The following SLC24A4 variants were observed in gnomAD, a reference collection of about 807,000 sequenced individuals.
SLC24A4 encodes solute carrier family 24 member 4.
Under a neutral mutation model 79.0 loss-of-function variants are expected in SLC24A4, and 53 were observed. That is an observed-to-expected ratio of 0.67 (90% CI 0.54 to 0.84). The LOEUF (loss-of-function observed/expected upper bound fraction) is 0.84. Ranked by LOEUF, SLC24A4 falls within the 40% of genes least tolerant of loss-of-function variation. The probability of loss-of-function intolerance (pLI) is 0.00; values close to 1 mark genes in which losing one functional copy is unlikely to be tolerated. For synonymous variants in SLC24A4, 323 were observed against 323.8 expected (o/e 1.00, Z 0.03); for missense variants, 731 against 822.0 (o/e 0.89, Z 1.35).
chr14:92,324,834 A>G (rs1595115751), intron 1 of SLC24A4, among the ~76,000 whole-genome samples: 1 of 152,242 alleles, frequency 6.6e-6, no homozygotes, highest in African/African-American at 2.4e-5. Flanking sequence ...TAAAGCGGGT[A>G]GTACCTTCTT....
Position 92,448,976 on chromosome 14 carries a change from G to A in SLC24A4, c.738-98G>A, listed in dbSNP as rs899532735. ...CCCTGCCACCCACCACTCCTGGGCT[G>A]TGCTGACTGCGTGCAGGGATGGGGT... On this transcript the variant is annotated intron_variant, in intron 9 of 16. Transcript: ENST00000532405. 13 of 1,468,248 alleles carry A rather than the reference G, an allele frequency of 8.9e-6. No individual in the cohort carries two copies. In the African/African-American group the frequency reaches 1.5e-4, roughly 17 times the overall value. The allele number at this position is 1,468,248 out of a possible 1,614,324, so 91.0% of individuals were successfully genotyped here. A position where few individuals can be genotyped will look rare whatever the true frequency, so the allele number is the denominator to read the frequency against.
intron 2 of SLC24A4, among the ~76,000 whole-genome samples, chr14:92,422,071 C>T (rs1231257385): frequency 6.6e-6 from 1 of 152,214 alleles, no homozygotes; most frequent in African/African-American, 2.4e-5. Context: ...TTTCCACATC[C>T]AGTGTCTTTA....
At chr14:92,485,048 T>C in intron 13 of SLC24A4, 1 of 273,860 alleles carries the variant, frequency 3.7e-6, no homozygotes, top group Non-Finnish European at 5.6e-6. Context: ...ACAGTAAATA[T>C]TAGCCATTTT....
At chr14:92,387,216 A>G (rs1889214422) in intron 2 of SLC24A4, among the ~76,000 whole-genome samples, 1 of 149,188 alleles carries the variant, frequency 6.7e-6, no homozygotes, top group African/African-American at 2.5e-5. Flanking sequence ...TCGCTGTGTC[A>G]CCCAGGCTGG....
chr14:92,412,641 C>G (rs905189365), intron 2 of SLC24A4, among the ~76,000 whole-genome samples: 3 of 152,126 alleles, frequency 2.0e-5, no homozygotes, highest in Non-Finnish European at 4.4e-5. Flanking sequence ...ACAGGTTTCT[C>G]CCTCCACACC....
intron 2 of SLC24A4, among the ~76,000 whole-genome samples, chr14:92,393,821 G>C (rs1395067806): frequency 6.6e-6 from 1 of 151,962 alleles, no homozygotes; most frequent in Non-Finnish European, 1.5e-5. Context: ...GACCAGCCTG[G>C]CCAGCCTGGT....
intron 2 of SLC24A4, among the ~76,000 whole-genome samples, chr14:92,332,695 A>G (rs1381799311): frequency 6.6e-6 from 1 of 152,212 alleles, no homozygotes; most frequent in Non-Finnish European, 1.5e-5. Context: ...ATGAATCTAA[A>G]TACCCATCAG....
chr14:92,325,225 T>A (rs1011652215), intron 1 of SLC24A4, among the ~76,000 whole-genome samples: 6 of 152,208 alleles, frequency 3.9e-5, no homozygotes, highest in African/African-American at 1.4e-4. Flanking sequence ...AAAGTGAGAA[T>A]CATTTTTATT....
At chr14:92,422,538 T>C (rs758590390) in intron 2 of SLC24A4, among the ~76,000 whole-genome samples, 1 of 152,214 alleles carries the variant, frequency 6.6e-6, no homozygotes, top group Non-Finnish European at 1.5e-5. Flanking sequence ...ATGTTTGAAA[T>C]GGGGCTAATG....
At chr14:92,343,255 C>T (rs898977350) in intron 2 of SLC24A4, among the ~76,000 whole-genome samples, 25 of 152,234 alleles carry the variant, frequency 1.6e-4, no homozygotes, top group South Asian at 6.2e-4. Context: ...TCTGTTCATT[C>T]GCCTCCTTTT....
chr14:92,478,582 G>A (rs1894894803), intron 12 of SLC24A4, among the ~76,000 whole-genome samples: 2 of 150,744 alleles, frequency 1.3e-5, no homozygotes, highest in Non-Finnish European at 2.9e-5. Context: ...TCCAGTAGCA[G>A]TCTCTCCTGA....
At chr14:92,385,310 T>A (rs2141720303) in intron 2 of SLC24A4, among the ~76,000 whole-genome samples, 1 of 152,092 alleles carries the variant, frequency 6.6e-6, no homozygotes, top group Non-Finnish European at 1.5e-5. Context: ...ATCGATACCA[T>A]CCTGGCCAAC....
chr14:92,470,463 C>G (rs1030656674), intron 12 of SLC24A4, among the ~76,000 whole-genome samples: 4 of 152,202 alleles, frequency 2.6e-5, no homozygotes, highest in Admixed American at 2.6e-4. Flanking sequence ...TCAGCAACTG[C>G]ATCTGTTCTT....
intron 2 of SLC24A4, among the ~76,000 whole-genome samples, chr14:92,402,392 C>G (rs1890161366): frequency 6.6e-6 from 1 of 152,002 alleles, no homozygotes; most frequent in African/African-American, 2.4e-5. Context: ...GGAGATTGTC[C>G]CAGCTCTTTC....
At chr14:92,435,428 G>A (rs1400657264) in intron 3 of SLC24A4, among the ~76,000 whole-genome samples, 1 of 152,216 alleles carries the variant, frequency 6.6e-6, no homozygotes, top group Non-Finnish European at 1.5e-5. Flanking sequence ...ATGCATCAGA[G>A]ACTGCCTGGC....
In SLC24A4 at chr14:92,493,658, TG is replaced by T. The variant is rs771428250; in HGVS notation, c.*32del. On this transcript the variant is annotated 3_prime_UTR_variant, in exon 17 of 17. Coordinates refer to ENST00000532405, the MANE Select transcript of SLC24A4 (RefSeq NM_153646.4). ...GAGTCGCGGCCCCTGGGAGCTGATC[TG>T]GACACCCTGTGACACTGGCGTTCTC... 6.2e-6 allele frequency: 10 copies of T among 1,611,700 alleles called. No individual in the cohort carries two copies. Among genetic ancestry groups the T allele is most frequent in the African/African-American group, 1.3e-5 (1 of 74,926 alleles).
intron 2 of SLC24A4, among the ~76,000 whole-genome samples, chr14:92,337,825 C>T (rs1885901171): frequency 6.6e-6 from 1 of 152,124 alleles, no homozygotes. Context: ...ACAGGAGTGC[C>T]TGGCATGAGA....
intron 14 of SLC24A4, among the ~76,000 whole-genome samples, chr14:92,487,354 G>T (rs1895423928): frequency 6.6e-6 from 1 of 152,222 alleles, no homozygotes; most frequent in South Asian, 2.1e-4. Context: ...TAGCATCCCA[G>T]CATGGACATC....
At chr14:92,372,926 T>TTCCTTCCTTC (rs1301959350) in intron 2 of SLC24A4, among the ~76,000 whole-genome samples, 2 of 96,162 alleles carry the variant, frequency 2.1e-5, no homozygotes, top group African/African-American at 4.2e-5. Context: ...CCTTTCTTTC[T>TTCCTTCCTTC]CTTTCTTTCT....
Sources: allele counts gnomAD v4.1 joint callset (sites outside exome capture counted in the v4.1 genomes callset), GRCh38; gene constraint gnomAD v4.1.1; transcripts MANE v1.5; gene names NCBI Gene and HGNC (gene_info 2026-07-23, HGNC 2026-07-21).